AFAP1L2: variants seen among roughly 807,000 people sequenced by gnomAD.
The protein encoded by AFAP1L2 is actin filament-associated protein 1-like 2.
In AFAP1L2, 46 loss-of-function variants were observed where a neutral mutation model predicts 99.3. The observed-to-expected ratio is 0.46, with a 90% CI of 0.37 to 0.59. The LOEUF is 0.59. AFAP1L2 is among the 20% of genes least tolerant of loss of function. The pLI is 0.00. For missense variants in AFAP1L2, 959 were observed against 1,034.9 expected, an observed-to-expected ratio of 0.93 and a Z score of 1.01; for synonymous variants, 397 against 419.1, an observed-to-expected ratio of 0.95 and a Z score of 0.64.
chr10:114,364,267 A>G (rs1459317940), intron 1 of AFAP1L2, among the ~76,000 whole-genome samples: 2 of 152,200 alleles, frequency 1.3e-5, no homozygotes, highest in Non-Finnish European at 2.9e-5. Flanking sequence ...GCCTGTATCC[A>G]TGGCCCAGGA....
intron 1 of AFAP1L2, among the ~76,000 whole-genome samples, chr10:114,382,954 A>G (rs1369235050): frequency 6.6e-6 from 1 of 152,192 alleles, no homozygotes; most frequent in African/African-American, 2.4e-5. Context: ...CAACACATAA[A>G]AATGATAAAC....
intron 1 of AFAP1L2, among the ~76,000 whole-genome samples, chr10:114,384,924 C>T (rs1362785717): frequency 6.6e-6 from 1 of 152,186 alleles, no homozygotes; most frequent in Non-Finnish European, 1.5e-5. Flanking sequence ...AAGCAGATGC[C>T]CACCTGTGTG....
chr10:114,309,884 A>C (rs1306931142), intron 8 of AFAP1L2, among the ~76,000 whole-genome samples: 1 of 152,056 alleles, frequency 6.6e-6, no homozygotes, highest in East Asian at 1.9e-4. Flanking sequence ...TTTTCCTGCC[A>C]AGCTAGAGTT....
intron 1 of AFAP1L2, among the ~76,000 whole-genome samples, chr10:114,403,091 T>C (rs1488351251): frequency 2.0e-5 from 3 of 152,190 alleles, no homozygotes; most frequent in Admixed American, 2.0e-4. Context: ...AAAACTGACG[T>C]GATCCCAGTA....
the AFAP1L2 span, chr10:114,286,529 G>A: frequency 1.3e-6 from 2 of 1,526,176 alleles, no homozygotes; most frequent in Non-Finnish European, 1.8e-6. Flanking sequence ...CCCAGTGCCT[G>A]ACCCAGGACC....
intron 1 of AFAP1L2, among the ~76,000 whole-genome samples, chr10:114,352,508 A>G (rs935174902): frequency 1.6e-5 from 2 of 125,788 alleles, no homozygotes; most frequent in African/African-American, 5.5e-5. Flanking sequence ...AAGCAACCGG[A>G]GATGTCCTGT....
intron 1 of AFAP1L2, among the ~76,000 whole-genome samples, chr10:114,386,287 A>G (rs2056491394): frequency 6.6e-6 from 1 of 152,110 alleles, no homozygotes; most frequent in South Asian, 2.1e-4. Context: ...TGTAGTCCCA[A>G]CTACTCAAGA....
At chr10:114,404,718 G>C, upstream of AFAP1L2, 1 of 364,180 alleles carries the variant, frequency 2.7e-6, no homozygotes, top group Non-Finnish European at 4.7e-6. Context: ...GTCGGTGCGC[G>C]CCCGCGGCCC....
chr10:114,317,292 T>G (rs1481117348), intron 5 of AFAP1L2, among the ~76,000 whole-genome samples: 1 of 152,206 alleles, frequency 6.6e-6, no homozygotes, highest in African/African-American at 2.4e-5. Context: ...TTTTAAACAT[T>G]TTAGTATCAA....
Position 114,377,074 on chromosome 10 carries a change from A to G in AFAP1L2, c.16+27366T>C, listed in dbSNP as rs1381928427. Among the ~76,000 whole-genome samples the G allele has an allele frequency of 6.6e-6, 1 of 152,252 alleles. No individual in the cohort carries two copies. The highest frequency in any genetic ancestry group is 2.4e-5 in the African/African-American group (1 of 41,476). Reference sequence around the variant, plus strand: ...TGGGGGCATTATACAAGACAAGGTCATAATACATGTGAAACATCTCCTTTG... The same window carrying G: ...TGGGGGCATTATACAAGACAAGGTCGTAATACATGTGAAACATCTCCTTTG... On this transcript the variant is annotated intron_variant, in intron 1 of 18. Coordinates refer to ENST00000304129, the MANE Select transcript of AFAP1L2 (RefSeq NM_001001936.3). The surrounding 1 kb of genome is among the most constrained non-coding windows in gnomAD (Gnocchi z 4.0).
chr10:114,300,840 C>G, intron 13 of AFAP1L2, 150 bp from the exon 14 acceptor site: 2 of 1,067,270 alleles, frequency 1.9e-6, no homozygotes, highest in Non-Finnish European at 2.7e-6. Flanking sequence ...TGGCTGAGTC[C>G]TAGATATGTC....
intron 1 of AFAP1L2, among the ~76,000 whole-genome samples, chr10:114,392,020 G>A (rs931782546): frequency 1.3e-5 from 2 of 152,174 alleles, no homozygotes; most frequent in African/African-American, 4.8e-5. Context: ...TCCTGGTTCA[G>A]GGGTCTCAAG....
At chr10:114,287,405 T>C in the AFAP1L2 span, among the ~76,000 whole-genome samples, 1 of 152,086 alleles carries the variant, frequency 6.6e-6, no homozygotes, top group African/African-American at 2.4e-5. Context: ...GGTCTCGAAC[T>C]CCTGGGCTCA....
At chr10:114,299,544 C>G in intron 15 of AFAP1L2, 129 bp from the exon 16 acceptor site, 2 of 1,079,896 alleles carry the variant, frequency 1.9e-6, no homozygotes, top group South Asian at 3.2e-5. Context: ...GATGCCAGAC[C>G]TGGACAGGTC....
At chr10:114,317,814 G>A (rs755455804) in intron 5 of AFAP1L2, among the ~76,000 whole-genome samples, 13 of 152,204 alleles carry the variant, frequency 8.5e-5, no homozygotes, top group African/African-American at 1.4e-4. Context: ...AACTGAGATC[G>A]TGCCACTGGC....
At chr10:114,291,470 T>C (rs2039593015), downstream of AFAP1L2, 1 of 536,342 alleles carries the variant, frequency 1.9e-6, no homozygotes, top group Admixed American at 3.7e-5. Flanking sequence ...ACAAACGATG[T>C]TGTTGAAAAG....
chr10:114,307,779 G>T (rs901352047), intron 10 of AFAP1L2, 26 bp downstream of exon 10: 1 of 1,594,966 alleles, frequency 6.3e-7, no homozygotes, highest in Non-Finnish European at 8.6e-7. Flanking sequence ...TGAGCCTGTG[G>T]TCCCGGAGGT....
At position 114,297,564 on chromosome 10, in the gene AFAP1L2, C is replaced by T. The variant is rs115816109; in HGVS notation, c.2114-151G>A. On this transcript the variant is annotated intron_variant, in intron 16 of 18. Transcript: ENST00000304129. ...TCAGAGCCAGGAGGGGCCTGTATGC[C>T]GGGGCAGCCTGGAGGCCTCCTTTAG... The T allele has an allele frequency of 6.8e-3, 5,734 of 837,144 alleles. 247 individuals carry two copies. The African/African-American group carries it at 0.086, about 13-fold the overall frequency. The allele number at this position is 837,144 out of a possible 1,614,324, so 51.9% of individuals were successfully genotyped here. A position where few individuals can be genotyped will look rare whatever the true frequency, so the allele number is the denominator to read the frequency against.
chr10:114,343,957 C>T (rs2049150584), intron 1 of AFAP1L2, among the ~76,000 whole-genome samples: 1 of 152,118 alleles, frequency 6.6e-6, no homozygotes, highest in Non-Finnish European at 1.5e-5. Context: ...AACACCAAGG[C>T]AGAGAAACTG....
Sources: allele counts gnomAD v4.1 joint callset (sites outside exome capture counted in the v4.1 genomes callset), GRCh38; gene constraint gnomAD v4.1.1; non-coding constraint Gnocchi (gnomAD v3.1); transcripts MANE v1.5; gene names NCBI Gene and HGNC (gene_info 2026-07-23, HGNC 2026-07-21).